Variants in REDIC1 observed in about 807,000 individuals in gnomAD.
REDIC1 encodes the protein HEI10 Interacting Protein 1.
the REDIC1 span, chr12:39,830,612 C>A: frequency 2.8e-6 from 1 of 352,820 alleles, no homozygotes; most frequent in Non-Finnish European, 4.0e-6. Flanking sequence ...TGCATCAAAG[C>A]ATTCATTTCT....
the REDIC1 span, among the ~76,000 whole-genome samples, chr12:39,828,682 T>C: frequency 6.7e-6 from 1 of 150,290 alleles, no homozygotes; most frequent in Non-Finnish European, 1.5e-5. Context: ...TTTCATAACA[T>C]GTTTATAATT....
chr12:39,890,198 T>C, the REDIC1 span, among the ~76,000 whole-genome samples: 1 of 152,194 alleles, frequency 6.6e-6, no homozygotes, highest in Non-Finnish European at 1.5e-5. Context: ...AAGAATATTA[T>C]TCTCCTTACA....
At chr12:39,803,228 TAGA>T in the REDIC1 span, among the ~76,000 whole-genome samples, 13 of 150,304 alleles carry the variant, frequency 8.6e-5, no homozygotes, top group African/African-American at 3.2e-4. Flanking sequence ...AAAAACTTTC[TAGA>T]AGGACAAGCT....
chr12:39,757,230 T>TATC, the REDIC1 span: 1 of 151,808 alleles, frequency 6.6e-6, no homozygotes, highest in Non-Finnish European at 1.5e-5. Flanking sequence ...AATATACCTC[T>TATC]ATCAAATCTG....
At chr12:39,720,887 T>C in the REDIC1 span, 3 of 1,613,390 alleles carry the variant, frequency 1.9e-6, no homozygotes, top group South Asian at 2.2e-5. Flanking sequence ...GTAGAAAGGA[T>C]GGCAAAACTT....
At chr12:39,876,901 G>A in the REDIC1 span, among the ~76,000 whole-genome samples, 1 of 152,174 alleles carries the variant, frequency 6.6e-6, no homozygotes, top group Non-Finnish European at 1.5e-5. Context: ...TATAGGACAA[G>A]TTACATGAGA....
chr12:39,840,026 T>G, the REDIC1 span, among the ~76,000 whole-genome samples: 1 of 151,756 alleles, frequency 6.6e-6, no homozygotes, highest in Non-Finnish European at 1.5e-5. Flanking sequence ...TCTCCATTCT[T>G]TTTTTTTGTT....
At chr12:39,776,506 G>A in the REDIC1 span, among the ~76,000 whole-genome samples, 1 of 152,324 alleles carries the variant, frequency 6.6e-6, no homozygotes, top group Non-Finnish European at 1.5e-5. Context: ...TCTCTGAGAA[G>A]TCAGAATATG....
At chr12:39,672,530 G>T in the REDIC1 span, among the ~76,000 whole-genome samples, 1 of 152,114 alleles carries the variant, frequency 6.6e-6, no homozygotes, top group Non-Finnish European at 1.5e-5. Flanking sequence ...TATCTTCAGC[G>T]CATGCACAAG....
chr12:39,682,874 A>T, the REDIC1 span: 2 of 1,612,878 alleles, frequency 1.2e-6, no homozygotes, highest in African/African-American at 2.7e-5. Context: ...AGGATAAAGA[A>T]AACATTTAAC....
At chr12:39,839,538 A>G in the REDIC1 span, among the ~76,000 whole-genome samples, 15 of 151,910 alleles carry the variant, frequency 9.9e-5, no homozygotes, top group East Asian at 2.5e-3. Flanking sequence ...CCAACATACT[A>G]TTATCATTTG....
the REDIC1 span, among the ~76,000 whole-genome samples, chr12:39,890,902 G>A: frequency 1.3e-5 from 2 of 151,796 alleles, no homozygotes; most frequent in African/African-American, 2.4e-5. Flanking sequence ...CTTACAAAGT[G>A]GTACATATTA....
chr12:39,847,632 G>A, the REDIC1 span, among the ~76,000 whole-genome samples: 1 of 151,950 alleles, frequency 6.6e-6, no homozygotes, highest in Non-Finnish European at 1.5e-5. Flanking sequence ...TAGGAGCCTG[G>A]ATGCCTGATG....
chr12:39,712,259 CATATGTATATATACATGTATATATACCT>C, the REDIC1 span, among the ~76,000 whole-genome samples: 1 of 135,250 alleles, frequency 7.4e-6, no homozygotes, highest in South Asian at 2.4e-4. Context: ...TACATATATA[CATATGTATATATACATGTATATATACCT>C]GTATGTATAT....
the REDIC1 span, among the ~76,000 whole-genome samples, chr12:39,651,557 T>A: frequency 1.3e-5 from 2 of 152,140 alleles, no homozygotes; most frequent in Non-Finnish European, 2.9e-5. Flanking sequence ...CAACTCTCAA[T>A]GTCCATTTCA....
the REDIC1 span, among the ~76,000 whole-genome samples, chr12:39,848,429 A>T: frequency 4.7e-4 from 72 of 152,310 alleles, no homozygotes; most frequent in Non-Finnish European, 9.1e-4. Context: ...AAAAAATTCC[A>T]TATCACTAAT....
chr12:39,889,707 A>G, the REDIC1 span, among the ~76,000 whole-genome samples: 1 of 151,508 alleles, frequency 6.6e-6, no homozygotes, highest in Non-Finnish European at 1.5e-5. Context: ...TAATTTTTGT[A>G]TTTTTAGAGA....
At chr12:39,686,983 A>T in the REDIC1 span, among the ~76,000 whole-genome samples, 4 of 152,220 alleles carry the variant, frequency 2.6e-5, no homozygotes. Context: ...TTGCTAACAC[A>T]TAACAAAAGT....
chr12:39,721,228 C>A, the REDIC1 span: 464 of 1,612,660 alleles, frequency 2.9e-4, 1 homozygote, highest in African/African-American at 5.5e-3. Flanking sequence ...CACTGGAGGG[C>A]AGGAAATCCA....
Sources: allele counts gnomAD v4.1 joint callset (sites outside exome capture counted in the v4.1 genomes callset), GRCh38; gene constraint gnomAD v4.1.1; transcripts MANE v1.5; gene names NCBI Gene and HGNC (gene_info 2026-07-23, HGNC 2026-07-21).